Variants in JAG1 observed in about 807,000 individuals in gnomAD.
The protein encoded by JAG1 is jagged canonical Notch ligand 1.
In JAG1, 23 loss-of-function variants were observed where a neutral mutation model predicts 148.7. The observed-to-expected ratio is 0.15, with a 90% CI of 0.11 to 0.22. The LOEUF is 0.22. JAG1 is among the 10% of genes least tolerant of loss of function. The pLI is 1.00. For synonymous variants in JAG1, 572 were observed against 598.3 expected (o/e 0.96, Z 0.64); for missense variants, 1,054 against 1,611.2 (o/e 0.65, Z 5.92).
At chr20:10,665,765 C>T (rs372503837) in intron 2 of JAG1, among the ~76,000 whole-genome samples, 3 of 152,126 alleles carry the variant, frequency 2.0e-5, no homozygotes, top group Non-Finnish European at 4.4e-5. Context: ...CTTGCACAAG[C>T]GCTAAACACA....
rs764855392 is a variant in JAG1, at chr20:10,645,942, C to T, written c.1999+29G>A. Reference sequence around the variant, plus strand: ...TCCCTCCAACATGACCCATACATCCCAGAGCTCCCCAAAGAGTGGCAGACT... The same window carrying T: ...TCCCTCCAACATGACCCATACATCCTAGAGCTCCCCAAAGAGTGGCAGACT... On this transcript the variant is annotated intron_variant, in intron 15 of 25. Coordinates refer to ENST00000254958, the MANE Select transcript of JAG1 (RefSeq NM_000214.3). The surrounding 1 kb of genome is among the most constrained non-coding windows in gnomAD (Gnocchi z 6.1). 1.1e-5 allele frequency: 16 copies of T among 1,457,180 alleles called. 1 individual carries two copies. Among genetic ancestry groups the T allele is most frequent in the East Asian group, 6.8e-5 (3 of 44,164 alleles). The allele number at this position is 1,457,180 out of a possible 1,614,324, so 90.3% of individuals were successfully genotyped here.
intron 23 of JAG1, 90 bp downstream of exon 23, chr20:10,641,370 G>T: frequency 2.0e-6 from 3 of 1,500,848 alleles, no homozygotes; most frequent in Non-Finnish European, 2.8e-6. Flanking sequence ...GTAAGCTAGG[G>T]AGAAGTAGAT....
intron 2 of JAG1, among the ~76,000 whole-genome samples, chr20:10,665,965 C>G (rs779937158): frequency 6.6e-6 from 1 of 152,184 alleles, no homozygotes; most frequent in African/African-American, 2.4e-5. Context: ...CGACATCACC[C>G]CACCTGGAGA....
chr20:10,645,312 G>A lies in JAG1; in HGVS notation c.2113+44C>T. Reference sequence around the variant, plus strand: ...GTGGCCCCCTCCCACAGAAGACAGAGGGAAGGGTCCCAGAGATAGCATCCA... The same window carrying A: ...GTGGCCCCCTCCCACAGAAGACAGAAGGAAGGGTCCCAGAGATAGCATCCA... On this transcript the variant is annotated intron_variant, in intron 16 of 25. Transcript: ENST00000254958. The surrounding 1 kb of genome is among the most constrained non-coding windows in gnomAD (Gnocchi z 6.1). 6.2e-7 allele frequency: 1 copy of A among 1,605,484 alleles called. No homozygotes were observed. The highest frequency in any genetic ancestry group is 8.5e-7 in the Non-Finnish European group (1 of 1,172,384).
At chr20:10,655,887 C>T (rs2067375502) in intron 5 of JAG1, among the ~76,000 whole-genome samples, 1 of 152,170 alleles carries the variant, frequency 6.6e-6, no homozygotes, top group Non-Finnish European at 1.5e-5. Flanking sequence ...ATTCATCAGG[C>T]TCAACTGACA....
Position 10,648,621 on chromosome 20 carries a change from C to A in JAG1, c.1497G>T (p.Gly499=). 1 of 1,614,116 alleles carries A rather than the reference C, an allele frequency of 6.2e-7. No individual in the cohort carries two copies. Among genetic ancestry groups the A allele is most frequent in the South Asian group, 1.1e-5 (1 of 91,078 alleles). The part of the protein sequence containing the change: ...DECASNPCLN[G]GHCQNEINRF... The stretch of plus-strand genomic sequence containing the variant: ...TGTTGATTTCATTCTGACAGTGACC[C>A]CCATTCAAACAGGGGTTGCTGGCAC... The change falls in exon 12 of 26, where the codon GGG becomes GGT. Residue 499 remains glycine (G), a synonymous_variant. Transcript: ENST00000254958.
chr20:10,653,119 G>T (rs2067357342), intron 5 of JAG1, among the ~76,000 whole-genome samples: 1 of 151,612 alleles, frequency 6.6e-6, no homozygotes, highest in African/African-American at 2.4e-5. Flanking sequence ...AACAAGGAGA[G>T]AAAGGGGCAC....
chr20:10,672,259 G>C (rs2067501438), intron 2 of JAG1, among the ~76,000 whole-genome samples: 1 of 152,286 alleles, frequency 6.6e-6, no homozygotes, highest in Middle Eastern at 3.4e-3. Flanking sequence ...GGCCGTTCAC[G>C]GGAAAGGGGA....
At chr20:10,655,638 A>G (rs2067373788) in intron 5 of JAG1, among the ~76,000 whole-genome samples, 1 of 152,204 alleles carries the variant, frequency 6.6e-6, no homozygotes, top group Non-Finnish European at 1.5e-5. Context: ...CAAAGGATCC[A>G]TTTAGCGTTA....
rs139795187 is a variant in JAG1 at position 10,651,974 on chromosome 20, T to A, written c.1006+157A>T. ...GCATCACCCAAAAAACTTTAGAGAC[T>A]TGAAAGTTACAAAGGCTTATAGAAT... is the stretch of plus-strand genomic sequence containing the variant. On this transcript the variant is annotated intron_variant, in intron 7 of 25. Transcript: ENST00000254958. Among the ~76,000 whole-genome samples, 1,249 of 152,312 alleles carry A rather than the reference T, an allele frequency of 8.2e-3. 11 individuals carry two copies. Among genetic ancestry groups the A allele is most frequent in the African/African-American group, 0.028 (1,180 of 41,566 alleles).
chr20:10,641,780 T>G lies in JAG1; in HGVS notation c.2682+3A>C. 1 of 1,612,712 alleles carries G rather than the reference T, an allele frequency of 6.2e-7. No individual in the cohort carries two copies. Among genetic ancestry groups the G allele is most frequent in the Non-Finnish European group, 8.5e-7 (1 of 1,178,670 alleles). ...GTGAACTGCGGCAGCCATCATGTCC[T>G]ACCTTTGAGCAGGCGATCCGTCCAT... On this transcript the variant is annotated splice_donor_region_variant and intron_variant, in intron 22 of 25. Transcript: ENST00000254958.
chr20:10,654,814 GCCTGTTGTTCTGGCTGGGAGGGCCCTCC>G (rs1180098991), intron 5 of JAG1, among the ~76,000 whole-genome samples: 1 of 152,186 alleles, frequency 6.6e-6, no homozygotes, highest in Non-Finnish European at 1.5e-5. Flanking sequence ...TGGAAACAAA[GCCTGTTGTTCTGGCTGGGAGGGCCCTCC>G]CCTGTATAGC....
chr20:10,647,842 C>CT (rs1261545878), intron 13 of JAG1, 118 bp downstream of exon 13: 4 of 1,112,760 alleles, frequency 3.6e-6, no homozygotes, highest in African/African-American at 3.1e-5. Flanking sequence ...GATCATTTCA[C>CT]TATAGAGGTC....
intron 5 of JAG1, among the ~76,000 whole-genome samples, chr20:10,654,205 GC>G (rs2122617349): frequency 6.6e-6 from 1 of 152,208 alleles, no homozygotes; most frequent in South Asian, 2.1e-4. Context: ...CCTCATAAAG[GC>G]AAGGAGAGGC....
chr20:10,648,962 T>A, intron 11 of JAG1, 99 bp downstream of exon 11: 1 of 1,110,970 alleles, frequency 9.0e-7, no homozygotes, highest in South Asian at 1.3e-5. Context: ...TTCACCCAAA[T>A]TTTTAAATCT....
intron 2 of JAG1, among the ~76,000 whole-genome samples, chr20:10,665,909 C>CA (rs1220100281): frequency 6.6e-6 from 1 of 152,180 alleles, no homozygotes; most frequent in Non-Finnish European, 1.5e-5. Context: ...AGCAGTCTAC[C>CA]AGGCTCATCC....
intron 2 of JAG1, among the ~76,000 whole-genome samples, chr20:10,670,104 T>TCTACAAAGCCTTTCAC (rs1473174322): frequency 7.2e-5 from 11 of 152,170 alleles, no homozygotes; most frequent in African/African-American, 2.7e-4. Context: ...AAGGGCCACC[T>TCTACAAAGCCTTTCAC]CTACAAAGCC....
chr20:10,657,255 G>A (rs1274666866), intron 4 of JAG1, among the ~76,000 whole-genome samples: 4 of 151,704 alleles, frequency 2.6e-5, no homozygotes, highest in African/African-American at 7.3e-5. Flanking sequence ...AGCTACTTGG[G>A]AGGCTGAGGC....
At chr20:10,661,338 G>C (rs915582740) in intron 3 of JAG1, among the ~76,000 whole-genome samples, 1 of 152,134 alleles carries the variant, frequency 6.6e-6, no homozygotes, top group Non-Finnish European at 1.5e-5. Context: ...GGGTCCCACA[G>C]GGCAGCCAAC....
Sources: gnomAD v4.1 joint callset for allele counts (sites outside exome capture counted in the v4.1 genomes callset) on GRCh38, gnomAD v4.1.1 for gene constraint, Gnocchi (gnomAD v3.1) non-coding constraint, MANE v1.5 for transcripts, NCBI Gene and HGNC (gene_info 2026-07-23, HGNC 2026-07-21) for gene names.